PLK1: variants seen among roughly 807,000 people sequenced by gnomAD.
The protein encoded by PLK1 is serine/threonine-protein kinase PLK1.
Under a neutral mutation model 56.7 loss-of-function variants are expected in PLK1, and 6 were observed. The ratio of observed to expected loss-of-function variants is 0.11; its 90% CI spans 0.06 to 0.21. The LOEUF (loss-of-function observed/expected upper bound fraction) is 0.21, where lower values mean the gene tolerates loss of function less well. Among genes scored for constraint, PLK1 ranks in the 10% least tolerant of loss-of-function variants. PLK1 has a pLI of 1.00. For missense variants in PLK1, 546 were observed against 814.4 expected (o/e 0.67, Z 4.01); for synonymous variants, 298 against 325.0 (o/e 0.92, Z 0.89).
intron 6 of PLK1, among the ~76,000 whole-genome samples, chr16:23,688,325 T>A (rs893416644): frequency 7.2e-5 from 11 of 152,164 alleles, no homozygotes; most frequent in African/African-American, 2.4e-4. Context: ...ACAACCACAG[T>A]GTAAGCTCCG....
rs373928233 is a variant in PLK1 at position 23,679,482 on chromosome 16, C to A, written c.408+142C>A. 6 of 730,522 alleles carry A rather than the reference C, an allele frequency of 8.2e-6. No homozygotes were observed. The African/African-American group carries it at 8.9e-5, about 11-fold the overall frequency. 45.3% of individuals were successfully genotyped at this position (730,522 alleles called of 1,614,324 possible). A position where few individuals can be genotyped will look rare whatever the true frequency, so the allele number is the denominator to read the frequency against. On this transcript the variant is annotated intron_variant, in intron 1 of 9. Coordinates refer to ENST00000300093, the MANE Select transcript of PLK1 (RefSeq NM_005030.6). ...AAGGGTGCTGGGAGCCTCCCGCTTA[C>A]GTATGGAAAGTGTCTTTGGTAAGGG...
intron 5 of PLK1, among the ~76,000 whole-genome samples, chr16:23,684,648 G>A (rs138834433): frequency 2.6e-5 from 4 of 152,222 alleles, no homozygotes; most frequent in Admixed American, 1.3e-4. Flanking sequence ...GCTACATCTG[G>A]CCTTTAAAAA....
At chr16:23,688,453 A>G (rs1959465471) in intron 6 of PLK1, among the ~76,000 whole-genome samples, 1 of 152,190 alleles carries the variant, frequency 6.6e-6, no homozygotes, top group Non-Finnish European at 1.5e-5. Flanking sequence ...CGCTGTGCTG[A>G]GACTTTCTCT....
rs371514248 is a variant in PLK1 at position 23,689,789 on chromosome 16, G to C, written c.1609-71G>C. 1.3e-6 allele frequency: 2 copies of C among 1,531,512 alleles called. No homozygotes were observed. Among genetic ancestry groups the C allele is most frequent in the African/African-American group, 1.4e-5 (1 of 73,540 alleles). 94.9% of individuals were successfully genotyped at this position (1,531,512 alleles called of 1,614,324 possible). A position where few individuals can be genotyped will look rare whatever the true frequency, so the allele number is the denominator to read the frequency against. ...GCGGCTCAGGTACCTATAACCTGTTGTGTCTTCCCTCTACTCCCTAACATA... is the reference window on the plus strand; with the variant it reads ...GCGGCTCAGGTACCTATAACCTGTTCTGTCTTCCCTCTACTCCCTAACATA... On this transcript the variant is annotated intron_variant, in intron 9 of 9. Coordinates refer to ENST00000300093, the MANE Select transcript of PLK1 (RefSeq NM_005030.6). The surrounding 1 kb of genome is among the most constrained non-coding windows in gnomAD (Gnocchi z 4.8).
In PLK1 at chr16:23,678,941, T is replaced by G. The variant is rs1400802092; in HGVS notation, c.9T>G (p.Ala3=). 9.0e-6 allele frequency: 14 copies of G among 1,553,470 alleles called. No homozygotes were observed. The highest frequency in any genetic ancestry group is 1.1e-5 in the Non-Finnish European group (13 of 1,149,272). ...AGCGCAGCTTCGGGAGCATGAGTGC[T>G]GCAGTGACTGCAGGGAAGCTGGCAC... The part of the protein sequence containing the change: MS[A]AVTAGKLARA... The change falls in exon 1 of 10, where the codon GCT becomes GCG. Residue 3 remains alanine (A), a synonymous_variant. Transcript: ENST00000300093.
intron 1 of PLK1, 57 bp from the exon 2 acceptor site, chr16:23,680,027 C>A: frequency 7.8e-7 from 1 of 1,279,582 alleles, no homozygotes; most frequent in Non-Finnish European, 1.1e-6. Context: ...CCTCTCCCTT[C>A]CCCACCGGCC....
chr16:23,688,556 C>T, intron 6 of PLK1, 112 bp from the exon 7 acceptor site: 1 of 850,292 alleles, frequency 1.2e-6, no homozygotes, highest in East Asian at 2.4e-5. Flanking sequence ...TCAACTGAGC[C>T]CAGGTGGGGT....
Position 23,684,074 on chromosome 16 carries a change from A to G in PLK1, c.1021A>G (p.Thr341Ala). Reference protein sequence around the residue: ...SLDPSNRKPLTVLNKGLENPL... With the variant: ...SLDPSNRKPLAVLNKGLENPL... The stretch of plus-strand genomic sequence containing the variant: ...GGACCCCAGCAACCGGAAGCCCCTC[A>G]CAGTCCTCAATAAAGGTACAACAAG... The change falls in exon 5 of 10, where the codon ACA (threonine) becomes GCA (alanine). Residue 341 changes from threonine to alanine, a missense_variant. This residue lies in a region of PLK1 where 157 missense variants were observed against 184.0 expected (regional missense o/e 0.85). Coordinates refer to ENST00000300093, the MANE Select transcript of PLK1 (RefSeq NM_005030.6). 1.9e-6 allele frequency: 3 copies of G among 1,613,846 alleles called. No individual in the cohort carries two copies. The highest frequency in any genetic ancestry group is 1.3e-5 in the African/African-American group (1 of 75,020).
chr16:23,681,734 T>G (rs891817384), intron 3 of PLK1, among the ~76,000 whole-genome samples: 1 of 152,190 alleles, frequency 6.6e-6, no homozygotes, highest in Non-Finnish European at 1.5e-5. Context: ...GAGCTGCTTC[T>G]GTAAGCGCAG....
rs146543273 is a variant in PLK1, at chr16:23,683,939, A to G, written c.886A>G (p.Ile296Val). The G allele has an allele frequency of 1.1e-4, 181 of 1,614,006 alleles. No individual in the cohort carries two copies. The highest frequency in any genetic ancestry group is 1.5e-4 in the Non-Finnish European group (178 of 1,180,020). The change falls in exon 5 of 10, where the codon ATT (isoleucine) becomes GTT (valine). Residue 296 changes from isoleucine to valine, a missense_variant. Around this residue, in one of 7 missense-constraint regions of PLK1, gnomAD observed 157 missense variants for 184.0 expected, o/e 0.85. Coordinates refer to ENST00000300093, the MANE Select transcript of PLK1 (RefSeq NM_005030.6). Reference protein sequence around the residue: ...LQTDPTARPTINELLNDEFFT... With the variant: ...LQTDPTARPTVNELLNDEFFT... ...GACAGATCCCACTGCCCGCCCAACC[A>G]TTAACGAGCTGCTTAATGACGAGTT...
rs1959382508 is a variant in PLK1 at position 23,683,979 on chromosome 16, A to G, written c.926A>G (p.Tyr309Cys). The G allele has an allele frequency of 6.2e-7, 1 of 1,614,102 alleles. No homozygotes were observed. Among genetic ancestry groups the G allele is most frequent in the Non-Finnish European group, 8.5e-7 (1 of 1,179,992 alleles). ...LLNDEFFTSG[Y>C]IPARLPITCL... ...AATGACGAGTTCTTTACTTCTGGCT[A>G]TATCCCTGCCCGTCTCCCCATCACC... is the stretch of plus-strand genomic sequence containing the variant. Residue 309 changes from tyrosine (Y) to cysteine (C), a missense_variant, in exon 5 of 10, where the codon TAT becomes TGT. This residue lies in a region of PLK1 where 157 missense variants were observed against 184.0 expected (regional missense o/e 0.85). Transcript: ENST00000300093.
rs1423601445 is a variant in PLK1, at chr16:23,679,606, G to C, written c.408+266G>C. ...AGTCAGCTTCTGGACGCGAGGTGCT[G>C]GGGGGAGGGGTGCTGGTAATGGACG... On this transcript the variant is annotated intron_variant, in intron 1 of 9. Coordinates refer to ENST00000300093, the MANE Select transcript of PLK1 (RefSeq NM_005030.6). 6 of 450,674 alleles carry C rather than the reference G, an allele frequency of 1.3e-5. No individual in the cohort carries two copies. The Admixed American group carries it at 1.9e-4, about 15-fold the overall frequency. The allele number at this position is 450,674 out of a possible 1,614,324, so 27.9% of individuals were successfully genotyped here. A position where few individuals can be genotyped will look rare whatever the true frequency, so the allele number is the denominator to read the frequency against.
intron 5 of PLK1, among the ~76,000 whole-genome samples, chr16:23,686,697 C>T (rs1959433176): frequency 1.3e-5 from 2 of 152,248 alleles, no homozygotes; most frequent in African/African-American, 2.4e-5. Context: ...TGCCATGTTG[C>T]TCAGGCTGGT....
At chr16:23,680,878 G>A (rs2140997746) in intron 2 of PLK1, 36 bp from the exon 3 acceptor site, 2 of 1,582,700 alleles carry the variant, frequency 1.3e-6, no homozygotes, top group South Asian at 1.2e-5. Context: ...TCAGAGGCTG[G>A]CATCTAAGTA....
intron 1 of PLK1, 39 bp downstream of exon 1, chr16:23,679,379 G>T (rs1378493346): frequency 2.5e-6 from 4 of 1,577,034 alleles, no homozygotes; most frequent in Non-Finnish European, 3.5e-6. Context: ...TGCCTGCGGG[G>T]CAGTTGGAGC....
In PLK1 at chr16:23,689,457, C is replaced by A; in HGVS notation, c.1426-37C>A. 6.3e-7 allele frequency: 1 copy of A among 1,599,416 alleles called. No homozygotes were observed. ...GTGGGACCTGTGCTGGAGGATCAGA[C>A]TCTAATTCTGGAACCCCTTACCTAC... On this transcript the variant is annotated intron_variant, in intron 8 of 9. Coordinates refer to ENST00000300093, the MANE Select transcript of PLK1 (RefSeq NM_005030.6). The surrounding 1 kb of genome is among the most constrained non-coding windows in gnomAD (Gnocchi z 4.8).
chr16:23,687,443 C>A, intron 5 of PLK1, 26 bp from the exon 6 acceptor site: 2 of 1,524,272 alleles, frequency 1.3e-6, no homozygotes, highest in Middle Eastern at 2.0e-4. Flanking sequence ...CCCTTCCCAA[C>A]GCCCCTGTTT....
At chr16:23,679,716 G>A in intron 1 of PLK1, 1 of 278,526 alleles carries the variant, frequency 3.6e-6, no homozygotes, top group Non-Finnish European at 6.8e-6. Context: ...GGGTCAGTGG[G>A]GGGGTAGTTG....
intron 4 of PLK1, 141 bp from the exon 5 acceptor site, chr16:23,683,729 C>T (rs1311912463): frequency 1.4e-6 from 1 of 715,324 alleles, no homozygotes; most frequent in African/African-American, 1.7e-5. Context: ...TGGCATTGAA[C>T]CAAGTTGTGA....
Sources: allele counts gnomAD v4.1 joint callset (sites outside exome capture counted in the v4.1 genomes callset), GRCh38; gene constraint gnomAD v4.1.1; regional missense constraint gnomAD v4.1.1; non-coding constraint Gnocchi (gnomAD v3.1); transcripts MANE v1.5; gene names NCBI Gene and HGNC (gene_info 2026-07-23, HGNC 2026-07-21).